OCA2: variants seen among roughly 807,000 people sequenced by gnomAD.
The protein encoded by OCA2 is OCA2 melanosomal transmembrane protein.
In OCA2, 77 loss-of-function variants were observed where a neutral mutation model predicts 100.2. The observed-to-expected ratio is 0.77, with a 90% CI of 0.64 to 0.93. The LOEUF is 0.93. Among genes scored for constraint, OCA2 ranks in the 40% least tolerant of loss-of-function variants. The pLI is 0.00. For missense variants in OCA2, 1,062 were observed against 1,089.1 expected (o/e 0.98, Z 0.35); for synonymous variants, 432 against 439.2 (o/e 0.98, Z 0.21).
At chr15:27,923,609 T>C (rs940087611) in intron 19 of OCA2, among the ~76,000 whole-genome samples, 1 of 152,234 alleles carries the variant, frequency 6.6e-6, no homozygotes, top group African/African-American at 2.4e-5. Flanking sequence ...TTTCTAATGA[T>C]AGGTGATATT....
the OCA2 span, among the ~76,000 whole-genome samples, chr15:27,746,133 T>C: frequency 6.6e-6 from 1 of 152,252 alleles, no homozygotes; most frequent in Non-Finnish European, 1.5e-5. Flanking sequence ...TTAAACATTT[T>C]ACAGCGTTTC....
chr15:27,970,977 G>A (rs755311990), intron 14 of OCA2, among the ~76,000 whole-genome samples: 4 of 151,628 alleles, frequency 2.6e-5, no homozygotes, highest in South Asian at 2.1e-4. Flanking sequence ...CAGCAAGCAC[G>A]GCATGGTGGG....
At position 27,957,866 on chromosome 15, in the gene OCA2, C is replaced by G; in HGVS notation, c.1637-131G>C. 9.7e-7 allele frequency: 1 copy of G among 1,025,916 alleles called. No homozygotes were observed. Among genetic ancestry groups the G allele is most frequent in the Non-Finnish European group, 1.5e-6 (1 of 674,876 alleles). The allele number at this position is 1,025,916 out of a possible 1,614,324, so 63.6% of individuals were successfully genotyped here. ...TCGAGACGTGCAGGTAGCCCAGGGT[C>G]ACCCAGAGCTTCTCAGCACCTGAGC... On this transcript the variant is annotated intron_variant, in intron 15 of 23. Coordinates refer to ENST00000354638, the MANE Select transcript of OCA2 (RefSeq NM_000275.3). This position sits in a 1 kb window ranked among gnomAD's most constrained non-coding sequence, Gnocchi z 4.3.
intron 1 of OCA2, among the ~76,000 whole-genome samples, chr15:28,091,129 C>T (rs140972132): frequency 2.0e-5 from 3 of 152,266 alleles, no homozygotes; most frequent in Non-Finnish European, 4.4e-5. Context: ...ATTACTATAA[C>T]TCACCCAATA....
chr15:27,951,661 G>C, intron 18 of OCA2, 123 bp downstream of exon 18: 1 of 752,706 alleles, frequency 1.3e-6, no homozygotes, highest in Non-Finnish European at 2.4e-6. Flanking sequence ...CTCCATCTCA[G>C]CCCTCTCTGG....
chr15:28,077,878 G>A (rs571667446), intron 2 of OCA2, among the ~76,000 whole-genome samples: 7 of 152,150 alleles, frequency 4.6e-5, no homozygotes, highest in African/African-American at 9.7e-5. Context: ...TCAGGAGATC[G>A]AGACCATCCT....
chr15:28,014,877 G>T lies in OCA2; in HGVS notation c.943C>A (p.Pro315Thr). The T allele has an allele frequency of 6.2e-7, 1 of 1,614,112 alleles. No individual in the cohort carries two copies. The highest frequency in any genetic ancestry group is 8.5e-7 in the Non-Finnish European group (1 of 1,180,022). ...RASLQQTQAV[P>T]LLMAHQYLRG... is the part of the protein sequence containing the mutation. ...AGGTACTGATGAGCCATCAAAAGAG[G>T]GACAGCCTGGGTCTGCTGCAGGGAG... Residue 315 changes from proline (P) to threonine (T), a missense_variant, in exon 9 of 24, where the codon CCT (proline) becomes ACT (threonine). Transcript: ENST00000354638.
chr15:27,771,544 G>A (rs1033770505), intron 23 of OCA2, among the ~76,000 whole-genome samples: 2 of 152,258 alleles, frequency 1.3e-5, no homozygotes, highest in African/African-American at 2.4e-5. Flanking sequence ...GTGACTTTGA[G>A]ACTTGTGTTC....
chr15:27,954,014 A>G (rs145731296), intron 17 of OCA2, among the ~76,000 whole-genome samples: 1,527 of 151,480 alleles, frequency 0.01, 28 homozygotes, highest in African/African-American at 0.035. Flanking sequence ...ACAATGTTTG[A>G]TTTTCCATTC....
At chr15:27,945,377 A>G (rs1221977330) in intron 18 of OCA2, among the ~76,000 whole-genome samples, 3 of 152,176 alleles carry the variant, frequency 2.0e-5, no homozygotes, top group African/African-American at 7.2e-5. Context: ...TCGAGGTCCT[A>G]TAAACTGGGA....
intron 23 of OCA2, among the ~76,000 whole-genome samples, chr15:27,803,461 G>A (rs574929404): frequency 6.6e-6 from 1 of 152,256 alleles, no homozygotes; most frequent in South Asian, 2.1e-4. Context: ...GGCGACATAA[G>A]GCTGACTGAA....
At chr15:27,871,407 G>T in intron 20 of OCA2, 149 bp from the exon 21 acceptor site, 1 of 701,920 alleles carries the variant, frequency 1.4e-6, no homozygotes, top group South Asian at 1.5e-5. Context: ...GCAAGCCAGG[G>T]CCACACCCAC....
the OCA2 span, among the ~76,000 whole-genome samples, chr15:27,747,484 T>C: frequency 6.6e-6 from 1 of 152,156 alleles, no homozygotes; most frequent in Admixed American, 6.5e-5. Flanking sequence ...TGGTTTTAGA[T>C]GTTGGGGAGC....
At chr15:27,757,105 C>T (rs1476661405) in intron 23 of OCA2, among the ~76,000 whole-genome samples, 1 of 152,214 alleles carries the variant, frequency 6.6e-6, no homozygotes, top group Non-Finnish European at 1.5e-5. Flanking sequence ...GGCATCATCA[C>T]ACCTACTGCA....
chr15:27,904,348 C>G (rs546632280), intron 19 of OCA2, among the ~76,000 whole-genome samples: 1 of 152,300 alleles, frequency 6.6e-6, no homozygotes, highest in East Asian at 1.9e-4. Context: ...CCCGACCATG[C>G]TGGGGCCTAA....
chr15:27,836,432 C>T (rs1263468786), intron 23 of OCA2, among the ~76,000 whole-genome samples: 10 of 151,684 alleles, frequency 6.6e-5, no homozygotes, highest in Non-Finnish European at 2.9e-5. Flanking sequence ...TCCTTCTTTC[C>T]TTTCTTTCTT....
At chr15:28,099,018 A>AG in intron 1 of OCA2, 2 of 154,400 alleles carry the variant, frequency 1.3e-5, no homozygotes, top group Non-Finnish European at 2.9e-5. Flanking sequence ...GGGGGTGCTC[A>AG]GGGGGCAGCT....
chr15:27,758,772 A>C (rs1195778677), intron 23 of OCA2, among the ~76,000 whole-genome samples: 1 of 152,206 alleles, frequency 6.6e-6, no homozygotes, highest in African/African-American at 2.4e-5. Flanking sequence ...CAACAACAGA[A>C]ATTGTTCATC....
At chr15:28,098,230 T>C (rs922566558) in intron 1 of OCA2, among the ~76,000 whole-genome samples, 1 of 152,160 alleles carries the variant, frequency 6.6e-6, no homozygotes, top group African/African-American at 2.4e-5. Context: ...GAACAAGCAG[T>C]TTTTGTGCAA....
Sources: gnomAD v4.1 joint callset for allele counts (sites outside exome capture counted in the v4.1 genomes callset) on GRCh38, gnomAD v4.1.1 for gene constraint, Gnocchi (gnomAD v3.1) non-coding constraint, MANE v1.5 for transcripts, NCBI Gene and HGNC (gene_info 2026-07-23, HGNC 2026-07-21) for gene names.